The following ACBD3 variants were observed in gnomAD, a reference collection of about 807,000 sequenced individuals.
ACBD3 encodes the protein acyl-CoA binding domain containing 3.
A neutral mutation model predicts 66.9 loss-of-function variants in ACBD3; 30 were observed. The ratio of observed to expected loss-of-function variants is 0.45; its 90% confidence interval spans 0.34 to 0.61. The LOEUF is 0.61. Among genes scored for constraint, ACBD3 ranks in the 20% least tolerant of loss-of-function variants. The pLI is 0.02. For synonymous variants in ACBD3, 278 were observed against 259.8 expected (o/e 1.07, Z -0.68); for missense variants, 544 against 664.5 (o/e 0.82, Z 1.99).
chr1:226,178,201 C>A (rs1457423226), intron 1 of ACBD3, among the ~76,000 whole-genome samples: 1 of 152,072 alleles, frequency 6.6e-6, no homozygotes, highest in African/African-American at 2.4e-5. Context: ...TCAAATAGGA[C>A]AGCATAATTT....
At chr1:226,163,233 A>T (rs1659803779) in intron 3 of ACBD3, among the ~76,000 whole-genome samples, 2 of 152,230 alleles carry the variant, frequency 1.3e-5, no homozygotes, top group Middle Eastern at 3.2e-3. Context: ...TTCTATGTGG[A>T]CTTTATCCCA....
chr1:226,158,267 C>A (rs1003399737), intron 5 of ACBD3, among the ~76,000 whole-genome samples: 2 of 152,192 alleles, frequency 1.3e-5, no homozygotes, highest in African/African-American at 4.8e-5. Context: ...TATAATGTAA[C>A]ACTTTTCTTC....
rs1195348114 is a variant in ACBD3, at chr1:226,152,389, T to C, written c.1321A>G (p.Thr441Ala). 6.2e-7 allele frequency: 1 copy of C among 1,614,246 alleles called. No individual in the cohort carries two copies. The highest frequency in any genetic ancestry group is 1.7e-5 in the Admixed American group (1 of 60,024). The change falls in exon 7 of 8, where the codon ACT becomes GCT. Residue 441 changes from threonine (T) to alanine (A), a missense_variant. Thr to Ala is a moderately conservative substitution (Grantham distance 58). Around this residue, in one of 3 missense-constraint regions of ACBD3, gnomAD observed 383 missense variants for 462.4 expected, o/e 0.83. Coordinates refer to ENST00000366812, the MANE Select transcript of ACBD3 (RefSeq NM_022735.4). ...TCACTGACATGCACGCTGACAGCAG[T>C]GTTTGGAGAGTCTGTCCATTCAAAA... ...VYFEWTDSPN[T>A]AVSVHVSESS...
At position 226,165,987 on chromosome 1, in the gene ACBD3, T is replaced by C; in HGVS notation, c.300A>G (p.Lys100=). 6.2e-7 allele frequency: 1 copy of C among 1,601,516 alleles called. No individual in the cohort carries two copies. The highest frequency in any genetic ancestry group is 1.1e-5 in the South Asian group (1 of 87,724). ...TTTCTTCATAAGTTGGATGAAATGC[T>C]TTGCCATCTTTTTCTATAAGAAAAA... is the stretch of plus-strand genomic sequence containing the variant. The part of the protein sequence containing the change: ...ALRFFKEKDG[K]AFHPTYEEKL... Residue 100 remains lysine, a synonymous_variant, in exon 2 of 8, where the codon AAA becomes AAG. Coordinates refer to ENST00000366812, the MANE Select transcript of ACBD3 (RefSeq NM_022735.4).
intron 6 of ACBD3, 55 bp from the exon 7 acceptor site, chr1:226,152,674 A>T: frequency 3.9e-6 from 6 of 1,543,826 alleles, no homozygotes; most frequent in Non-Finnish European, 5.2e-6. Context: ...CCCTGCAGGT[A>T]GCCACATTTT....
intron 5 of ACBD3, among the ~76,000 whole-genome samples, chr1:226,156,613 T>G (rs1409541556): frequency 6.6e-6 from 1 of 152,234 alleles, no homozygotes; most frequent in African/African-American, 2.4e-5. Context: ...TTTCATTGAA[T>G]GTATCATTTA....
intron 1 of ACBD3, among the ~76,000 whole-genome samples, chr1:226,166,527 C>A (rs538639299): frequency 6.6e-6 from 1 of 151,142 alleles, no homozygotes; most frequent in South Asian, 2.1e-4. Flanking sequence ...GCTCTATTGC[C>A]CAGGCTGGAA....
At position 226,144,766 on chromosome 1, in the gene ACBD3, G is replaced by A. The variant is rs1211475783; in HGVS notation, c.*1844C>T. 6.6e-6 allele frequency: 1 copy of A among 152,444 alleles called. No homozygotes were observed. The highest frequency in any genetic ancestry group is 1.5e-5 in the Non-Finnish European group (1 of 68,016). The allele number at this position is 152,444 out of a possible 1,614,324, so 9.4% of individuals were successfully genotyped here. A position where few individuals can be genotyped will look rare whatever the true frequency, so the allele number is the denominator to read the frequency against. On this transcript the variant is annotated 3_prime_UTR_variant, in exon 8 of 8. Coordinates refer to ENST00000366812, the MANE Select transcript of ACBD3 (RefSeq NM_022735.4). ...TGTACTGTACTAATCAACAGCCAAA[G>A]GCAATAAGAAAGTTTAAAACCAAAA...
intron 6 of ACBD3, among the ~76,000 whole-genome samples, chr1:226,153,497 A>C (rs1421319082): frequency 6.6e-6 from 1 of 152,114 alleles, no homozygotes; most frequent in Non-Finnish European, 1.5e-5. Flanking sequence ...TTCCTCTGGG[A>C]AGCCTCTGGT....
rs1659460729 is a variant in ACBD3 at position 226,146,742 on chromosome 1, C to T, written c.1455G>A (p.Arg485=). The change falls in exon 8 of 8, where the codon CGG becomes CGA. Residue 485 remains arginine, a synonymous_variant. Transcript: ENST00000366812. The stretch of plus-strand genomic sequence containing the variant: ...CAGCATACACCTCCTCATGACAGTC[C>T]CGTCGGTACACAGGCACAATCTCAT... ...LLDEIVPVYR[R]DCHEEVYAGS... 1 of 1,614,016 alleles carries T rather than the reference C, an allele frequency of 6.2e-7. No homozygotes were observed. Among genetic ancestry groups the T allele is most frequent in the African/African-American group, 1.3e-5 (1 of 74,990 alleles).
chr1:226,179,772 C>T (rs553544237), intron 1 of ACBD3, among the ~76,000 whole-genome samples: 2 of 152,036 alleles, frequency 1.3e-5, no homozygotes, highest in South Asian at 2.1e-4. Context: ...GCAGGAGAAT[C>T]GCTTGAACCC....
chr1:226,178,472 G>A (rs964129401), intron 1 of ACBD3, among the ~76,000 whole-genome samples: 3 of 150,432 alleles, frequency 2.0e-5, no homozygotes, highest in African/African-American at 7.3e-5. Flanking sequence ...CTACTCGGGA[G>A]GCTGAGGCAG....
chr1:226,174,265 T>G (rs889364925), intron 1 of ACBD3, among the ~76,000 whole-genome samples: 3 of 152,178 alleles, frequency 2.0e-5, no homozygotes, highest in African/African-American at 7.2e-5. Context: ...GCTCTTGCAC[T>G]CATTAATTAT....
At chr1:226,166,325 CAG>C (rs1234278995) in intron 1 of ACBD3, among the ~76,000 whole-genome samples, 1 of 151,588 alleles carries the variant, frequency 6.6e-6, no homozygotes, top group Non-Finnish European at 1.5e-5. Flanking sequence ...TGTCTTTTGG[CAG>C]AGACAGGGCT....
chr1:226,173,497 A>C (rs545693218), intron 1 of ACBD3, among the ~76,000 whole-genome samples: 1 of 152,234 alleles, frequency 6.6e-6, no homozygotes, highest in Non-Finnish European at 1.5e-5. Flanking sequence ...TATTCTCCCA[A>C]GGAATATACA....
intron 7 of ACBD3, 64 bp from the exon 8 acceptor site, chr1:226,146,885 A>C (rs1659464896): frequency 1.4e-6 from 2 of 1,455,952 alleles, no homozygotes; most frequent in South Asian, 2.3e-5. Context: ...CAGGCAATTA[A>C]AATCTATCCT....
intron 6 of ACBD3, 138 bp from the exon 7 acceptor site, chr1:226,152,757 G>T: frequency 1.2e-6 from 1 of 823,274 alleles, no homozygotes; most frequent in Non-Finnish European, 1.9e-6. Context: ...GGACTTGGAG[G>T]AATAAAAAAG....
At chr1:226,161,815 A>G (rs1659780674) in intron 3 of ACBD3, 126 bp from the exon 4 acceptor site, 1 of 1,073,376 alleles carries the variant, frequency 9.3e-7, no homozygotes, top group African/African-American at 1.6e-5. Flanking sequence ...TCAAAATTTA[A>G]AATACATACA....
chr1:226,158,813 C>A (rs949600921), intron 5 of ACBD3, among the ~76,000 whole-genome samples: 4 of 152,194 alleles, frequency 2.6e-5, no homozygotes, highest in African/African-American at 9.7e-5. Context: ...AGTCCTCCCA[C>A]TGGAGGCTGT....
Sources: allele counts gnomAD v4.1 joint callset (sites outside exome capture counted in the v4.1 genomes callset), GRCh38; gene constraint gnomAD v4.1.1; regional missense constraint gnomAD v4.1.1; transcripts MANE v1.5; gene names NCBI Gene and HGNC (gene_info 2026-07-23, HGNC 2026-07-21).